CRACD: variants seen among roughly 807,000 people sequenced by gnomAD.
CRACD encodes the protein capping protein inhibiting regulator of actin dynamics, also known as capping protein-inhibiting regulator of actin dynamics.
A neutral mutation model predicts 106.8 loss-of-function variants in CRACD; 56 were observed. The observed-to-expected ratio is 0.52, with a 90% confidence interval of 0.42 to 0.66. The LOEUF (loss-of-function observed/expected upper bound fraction) is 0.66. Among genes scored for constraint, CRACD ranks in the 30% least tolerant of loss-of-function variants. The pLI is 0.00. For missense variants in CRACD, 1,730 were observed against 1,623.2 expected (o/e 1.07, Z -1.13); for synonymous variants, 754 against 670.8 (o/e 1.12, Z -1.92).
intron 1 of CRACD, among the ~76,000 whole-genome samples, chr4:56,099,910 A>G (rs1477962447): frequency 6.6e-6 from 1 of 152,178 alleles, no homozygotes; most frequent in East Asian, 1.9e-4. Context: ...TGTTTTTCCA[A>G]CAGGATTATT....
chr4:56,258,488 G>A (rs1188364839), intron 2 of CRACD, among the ~76,000 whole-genome samples: 1 of 152,228 alleles, frequency 6.6e-6, no homozygotes, highest in Non-Finnish European at 1.5e-5. Flanking sequence ...TAAATTGATT[G>A]AGACTTGTCT....
intron 3 of CRACD, among the ~76,000 whole-genome samples, chr4:56,284,047 T>C (rs917751817): frequency 6.6e-6 from 1 of 152,136 alleles, no homozygotes; most frequent in Non-Finnish European, 1.5e-5. Context: ...GATCTGAACA[T>C]ATTCTGCGTT....
chr4:56,201,743 A>G (rs1186857157), intron 2 of CRACD, among the ~76,000 whole-genome samples: 16 of 152,220 alleles, frequency 1.1e-4, no homozygotes, highest in Admixed American at 9.2e-4. Context: ...GTTGAGTGCA[A>G]TGAAGGATTT....
intron 2 of CRACD, among the ~76,000 whole-genome samples, chr4:56,210,606 CA>C (rs1472254144): frequency 2.0e-5 from 3 of 152,326 alleles, no homozygotes; most frequent in Non-Finnish European, 2.9e-5. Flanking sequence ...TAGATTTAAA[CA>C]AAGGCAAGGT....
At chr4:56,228,437 C>T (rs757836439) in intron 2 of CRACD, among the ~76,000 whole-genome samples, 14 of 152,054 alleles carry the variant, frequency 9.2e-5, no homozygotes, top group Admixed American at 4.6e-4. Flanking sequence ...ATCTACCAGA[C>T]ACATGTGCTG....
intron 1 of CRACD, among the ~76,000 whole-genome samples, chr4:56,134,878 G>A (rs1734945818): frequency 6.6e-6 from 1 of 152,132 alleles, no homozygotes; most frequent in Non-Finnish European, 1.5e-5. Flanking sequence ...ATTGCCTGGA[G>A]AGAGTAGAAC....
At chr4:56,076,661 T>G (rs891848380) in intron 1 of CRACD, among the ~76,000 whole-genome samples, 1 of 152,164 alleles carries the variant, frequency 6.6e-6, no homozygotes, top group African/African-American at 2.4e-5. Context: ...CATGCCACCT[T>G]TTTTTCTTTG....
At chr4:56,122,864 A>T (rs1221968016) in intron 1 of CRACD, among the ~76,000 whole-genome samples, 1 of 152,226 alleles carries the variant, frequency 6.6e-6, no homozygotes, top group Non-Finnish European at 1.5e-5. Flanking sequence ...ATGCATTTCC[A>T]AATAAATTGG....
At chr4:56,211,048 A>G (rs1738376572) in intron 2 of CRACD, among the ~76,000 whole-genome samples, 1 of 152,238 alleles carries the variant, frequency 6.6e-6, no homozygotes, top group South Asian at 2.1e-4. Context: ...ATCAGTAGGC[A>G]TCCCTAGATG....
Position 56,316,337 on chromosome 4 carries a change from T to C in CRACD, c.2835T>C (p.Ala945=). 1 of 1,613,888 alleles carries C rather than the reference T, an allele frequency of 6.2e-7. No homozygotes were observed. The highest frequency in any genetic ancestry group is 8.5e-7 in the Non-Finnish European group (1 of 1,179,900). Residue 945 remains alanine (A), a synonymous_variant, in exon 8 of 11, where the codon GCT becomes GCC. Transcript: ENST00000682029. ...CACCGGCCAGCAGCCAGACCCCGGC[T>C]CCGGAGCACGACAAGGCAGCAAACA... The part of the protein sequence containing the change: ...GPPPASSQTP[A]PEHDKAANKM...
At chr4:56,106,821 A>G (rs2083954590) in intron 1 of CRACD, among the ~76,000 whole-genome samples, 1 of 152,220 alleles carries the variant, frequency 6.6e-6, no homozygotes, top group Non-Finnish European at 1.5e-5. Flanking sequence ...TATTTACTAG[A>G]AAAGCACACG....
chr4:56,227,562 T>C (rs1739370663), intron 2 of CRACD, among the ~76,000 whole-genome samples: 1 of 152,164 alleles, frequency 6.6e-6, no homozygotes, highest in African/African-American at 2.4e-5. Flanking sequence ...AGAGCAGAGA[T>C]CGACCAACTT....
At chr4:56,193,899 T>C (rs1324283285) in intron 2 of CRACD, among the ~76,000 whole-genome samples, 1 of 152,186 alleles carries the variant, frequency 6.6e-6, no homozygotes, top group Non-Finnish European at 1.5e-5. Context: ...ATGACTTCTT[T>C]TTCTATCCTC....
At chr4:56,125,974 C>T (rs1577679480) in intron 1 of CRACD, among the ~76,000 whole-genome samples, 1 of 151,574 alleles carries the variant, frequency 6.6e-6, no homozygotes, top group Non-Finnish European at 1.5e-5. Context: ...GTTTTACCAT[C>T]TTGGCCAGGC....
intron 10 of CRACD, among the ~76,000 whole-genome samples, chr4:56,325,122 C>T (rs1204498324): frequency 2.0e-5 from 3 of 152,136 alleles, no homozygotes; most frequent in East Asian, 3.9e-4. Context: ...ATTGCTTGAG[C>T]CCAGGAGTTC....
At chr4:56,295,351 A>G (rs71601622) in intron 3 of CRACD, among the ~76,000 whole-genome samples, 171 of 152,264 alleles carry the variant, frequency 1.1e-3, no homozygotes, top group Non-Finnish European at 2.1e-3. Context: ...AAATTTAGCT[A>G]GGATAAATGT....
rs1484069320 is a variant in CRACD at position 56,316,451 on chromosome 4, C to G, written c.2949C>G (p.Pro983=). The G allele has an allele frequency of 6.2e-7, 1 of 1,614,090 alleles. No individual in the cohort carries two copies. The highest frequency in any genetic ancestry group is 1.7e-5 in the Admixed American group (1 of 60,030). Residue 983 remains proline, a synonymous_variant, in exon 8 of 11, where the codon CCC becomes CCG. Coordinates refer to ENST00000682029, the MANE Select transcript of CRACD (RefSeq NM_001393381.1). ...PASPLSKLSR[P]YLVELLSRRA... ...CCCCACTTTCCAAACTGAGCAGGCC[C>G]TACTTGGTAGAGCTGCTGTCTCGCC...
chr4:56,290,097 T>C lies in CRACD; in HGVS notation c.-16-8117T>C, dbSNP rs902547716. ...TTTACTCGTAGAGACTCACTAGAGATGTGAAGAGCAGCGCTCCAGGCCTCC... is the reference window on the plus strand; with the variant it reads ...TTTACTCGTAGAGACTCACTAGAGACGTGAAGAGCAGCGCTCCAGGCCTCC... On this transcript the variant is annotated intron_variant, in intron 3 of 10. Transcript: ENST00000682029. 2.0e-5 allele frequency among the ~76,000 whole-genome samples: 3 copies of C among 152,196 alleles called. No individual in the cohort carries two copies. In the South Asian group the frequency reaches 6.2e-4, roughly 31 times the overall value.
At chr4:56,245,253 T>C (rs1270766585) in intron 2 of CRACD, among the ~76,000 whole-genome samples, 1 of 152,202 alleles carries the variant, frequency 6.6e-6, no homozygotes, top group Non-Finnish European at 1.5e-5. Flanking sequence ...TAAATAATTG[T>C]TGAATGAATT....
Sources: allele counts gnomAD v4.1 joint callset (sites outside exome capture counted in the v4.1 genomes callset), GRCh38; gene constraint gnomAD v4.1.1; transcripts MANE v1.5; gene names NCBI Gene and HGNC (gene_info 2026-07-23, HGNC 2026-07-21).